The following GPM6A variants were observed in gnomAD, a reference collection of about 807,000 sequenced individuals.
GPM6A encodes the protein glycoprotein M6A.
GPM6A carries 7 observed loss-of-function variants against 32.1 expected under a neutral mutation model. That is an observed-to-expected ratio of 0.22 (90% CI 0.12 to 0.41). GPM6A has a LOEUF of 0.41. Ranked by LOEUF, GPM6A falls within the 10% of genes least tolerant of loss-of-function variation. The probability of loss-of-function intolerance (pLI) is 1.00; values close to 1 mark genes in which losing one functional copy is unlikely to be tolerated. For synonymous variants in GPM6A, 130 were observed against 123.4 expected (o/e 1.05, Z -0.35); for missense variants, 235 against 347.2 (o/e 0.68, Z 2.57).
At chr4:175,920,657 G>T (rs1206439394) in intron 1 of GPM6A, among the ~76,000 whole-genome samples, 2 of 152,046 alleles carry the variant, frequency 1.3e-5, no homozygotes, top group Non-Finnish European at 2.9e-5. Flanking sequence ...AGACTAGCCT[G>T]GGCAACATGA....
intron 1 of GPM6A, among the ~76,000 whole-genome samples, chr4:175,926,921 G>A (rs1472017660): frequency 1.3e-5 from 2 of 152,084 alleles, no homozygotes; most frequent in African/African-American, 4.8e-5. Flanking sequence ...TAGTCACTTC[G>A]CTTTCAATTA....
At chr4:175,959,933 A>T (rs1183453616) in intron 1 of GPM6A, among the ~76,000 whole-genome samples, 1 of 152,222 alleles carries the variant, frequency 6.6e-6, no homozygotes, top group African/African-American at 2.4e-5. Context: ...TAAGCAATTT[A>T]TACATTAAAT....
At chr4:175,636,477 T>C (rs1740620731) in intron 6 of GPM6A, among the ~76,000 whole-genome samples, 2 of 151,068 alleles carry the variant, frequency 1.3e-5, no homozygotes, top group African/African-American at 2.4e-5. Context: ...TCTGAGAAAA[T>C]GTGGCCCCCA....
intron 1 of GPM6A, among the ~76,000 whole-genome samples, chr4:175,836,105 A>G (rs1370118937): frequency 1.3e-5 from 2 of 152,074 alleles, no homozygotes; most frequent in Non-Finnish European, 2.9e-5. Flanking sequence ...CAGAGTAGGA[A>G]TCTTTGGCGA....
At chr4:175,770,297 G>A (rs1258603423) in intron 1 of GPM6A, among the ~76,000 whole-genome samples, 1 of 152,076 alleles carries the variant, frequency 6.6e-6, no homozygotes, top group African/African-American at 2.4e-5. Flanking sequence ...AAGTGCTGGG[G>A]TTACAGGCGT....
At chr4:175,647,773 A>G (rs1450540858) in intron 4 of GPM6A, among the ~76,000 whole-genome samples, 2 of 152,168 alleles carry the variant, frequency 1.3e-5, no homozygotes, top group Non-Finnish European at 2.9e-5. Context: ...TCCTAATACA[A>G]TGTTTGAGGA....
intron 1 of GPM6A, among the ~76,000 whole-genome samples, chr4:175,970,059 T>G (rs996192732): frequency 2.0e-5 from 3 of 152,236 alleles, no homozygotes; most frequent in African/African-American, 7.2e-5. Flanking sequence ...GCCGAAATAT[T>G]CCACTGTGTC....
At chr4:175,922,727 G>A (rs1009994698) in intron 1 of GPM6A, among the ~76,000 whole-genome samples, 3 of 152,120 alleles carry the variant, frequency 2.0e-5, no homozygotes. Context: ...AAAAAGATGA[G>A]TTTATTTGGG....
rs575739198 is a variant in GPM6A at position 175,758,512 on chromosome 4, C to CT, written c.37+53678dup. On this transcript the variant is annotated intron_variant, in intron 1 of 6. Coordinates refer to ENST00000393658, the MANE Select transcript of GPM6A (RefSeq NM_201591.3). ...AAAATAGCTTTCTAACTGTAATGCA[C>CT]TGCCTAAATGTGGAGTGTTATTTAG... is the stretch of plus-strand genomic sequence containing the variant. 3.6e-3 allele frequency among the ~76,000 whole-genome samples: 541 copies of CT among 152,156 alleles called. 2 individuals carry two copies. The highest frequency in any genetic ancestry group is 6.3e-3 in the Non-Finnish European group (426 of 68,030).
intron 1 of GPM6A, among the ~76,000 whole-genome samples, chr4:175,954,993 C>G (rs990276319): frequency 2.0e-5 from 3 of 152,230 alleles, no homozygotes; most frequent in Non-Finnish European, 4.4e-5. Flanking sequence ...ATAAAACACC[C>G]TGTGTCTACT....
rs577942305 is a variant in GPM6A, at chr4:175,925,203, G to T, written c.-23+77106C>A. ...TATGAAGATGGTAACGGAATACAAT[G>T]ATTTACGATGTGAAACTGGAAATGG... On this transcript the variant is annotated intron_variant, in intron 1 of 7. Coordinates refer to the GPM6A transcript ENST00000280187. 3.5e-4 allele frequency among the ~76,000 whole-genome samples: 53 copies of T among 152,288 alleles called. 2 individuals carry two copies. The South Asian group carries it at 0.011, about 32-fold the overall frequency.
intron 1 of GPM6A, among the ~76,000 whole-genome samples, chr4:175,831,733 T>TTTTC (rs1735619512): frequency 1.4e-5 from 2 of 144,076 alleles, no homozygotes; most frequent in Non-Finnish European, 3.0e-5. Context: ...TTTTTTTTTT[T>TTTTC]TTTTTGACGG....
intron 1 of GPM6A, among the ~76,000 whole-genome samples, chr4:175,833,638 A>G (rs1735681557): frequency 6.6e-6 from 1 of 152,170 alleles, no homozygotes; most frequent in African/African-American, 2.4e-5. Flanking sequence ...TTCCTATTTA[A>G]CTAATATGGA....
intron 2 of GPM6A, among the ~76,000 whole-genome samples, chr4:175,696,045 G>A (rs1744561769): frequency 6.6e-6 from 1 of 152,136 alleles, no homozygotes; most frequent in Admixed American, 6.5e-5. Context: ...CAGCATGAAA[G>A]TAGGTATTAA....
chr4:175,928,371 A>G (rs1738917558), intron 1 of GPM6A, among the ~76,000 whole-genome samples: 1 of 152,208 alleles, frequency 6.6e-6, no homozygotes. Flanking sequence ...TAGCGATACA[A>G]GCCTTTACCT....
At position 175,903,180 on chromosome 4, in the gene GPM6A, C is replaced by T. The variant is rs563606360; in HGVS notation, c.-22-90931G>A. Among the ~76,000 whole-genome samples, 20 of 151,878 alleles carry T rather than the reference C, an allele frequency of 1.3e-4. 1 individual carries two copies. The highest frequency in any genetic ancestry group is 1.9e-4 in the East Asian group (1 of 5,142). On this transcript the variant is annotated intron_variant, in intron 1 of 7. Coordinates refer to the GPM6A transcript ENST00000280187. ...TGCAACAGAGAGTGACAAAAGTTTT[C>T]GAATAATGATGGAATCCTATCCAAA...
At position 175,633,180 on chromosome 4, in the gene GPM6A, A is replaced by T. The variant is rs1246561226; in HGVS notation, c.*1725T>A. 1 of 152,524 alleles carries T rather than the reference A, an allele frequency of 6.6e-6. No homozygotes were observed. The highest frequency in any genetic ancestry group is 6.5e-5 in the Admixed American group (1 of 15,270). 9.4% of individuals were successfully genotyped at this position (152,524 alleles called of 1,614,324 possible). A position where few individuals can be genotyped will look rare whatever the true frequency, so the allele number is the denominator to read the frequency against. Reference sequence around the variant, plus strand: ...TTAGAAATTATCACAAACTGTTAAGACACGGAACTGAAATACTATAATATA... The same window carrying T: ...TTAGAAATTATCACAAACTGTTAAGTCACGGAACTGAAATACTATAATATA... On this transcript the variant is annotated 3_prime_UTR_variant, in exon 7 of 7. Transcript: ENST00000393658.
intron 1 of GPM6A, among the ~76,000 whole-genome samples, chr4:175,845,189 A>G (rs1182640590): frequency 6.6e-6 from 1 of 152,146 alleles, no homozygotes; most frequent in Non-Finnish European, 1.5e-5. Context: ...GTGTTTTCCT[A>G]AAATTTTCTT....
chr4:175,680,917 A>G (rs1054957221), intron 2 of GPM6A, among the ~76,000 whole-genome samples: 2 of 152,184 alleles, frequency 1.3e-5, no homozygotes, highest in Non-Finnish European at 2.9e-5. Flanking sequence ...AAATTTCTCT[A>G]TACAAATTCA....
Sources: gnomAD v4.1 joint callset for allele counts (sites outside exome capture counted in the v4.1 genomes callset) on GRCh38, gnomAD v4.1.1 for gene constraint, MANE v1.5 for transcripts, NCBI Gene and HGNC (gene_info 2026-07-23, HGNC 2026-07-21) for gene names.